The following GRIP1 variants were observed in gnomAD, a reference collection of about 807,000 sequenced individuals.
GRIP1 encodes the protein glutamate receptor-interacting protein 1.
In GRIP1, 45 loss-of-function variants were observed where a neutral mutation model predicts 129.9. The ratio of observed to expected loss-of-function variants is 0.35; its 90% CI spans 0.27 to 0.44. GRIP1 has a LOEUF of 0.44. Ranked by LOEUF, GRIP1 falls within the 20% of genes least tolerant of loss-of-function variation. The pLI is 1.00. For missense variants in GRIP1, 1,196 were observed against 1,396.8 expected (o/e 0.86, Z 2.29); for synonymous variants, 530 against 520.8 (o/e 1.02, Z -0.24).
intron 1 of GRIP1, among the ~76,000 whole-genome samples, chr12:66,939,456 C>T (rs1436884591): frequency 6.6e-6 from 1 of 152,108 alleles, no homozygotes. Context: ...CTCAAAGTAG[C>T]AGGAGAGGTA....
At chr12:66,851,278 T>C (rs1416663685) in intron 1 of GRIP1, among the ~76,000 whole-genome samples, 1 of 151,810 alleles carries the variant, frequency 6.6e-6, no homozygotes, top group Non-Finnish European at 1.5e-5. Context: ...ACAGGACATC[T>C]GGAAAGTGGA....
intron 1 of GRIP1, among the ~76,000 whole-genome samples, chr12:66,791,799 C>G (rs1224746519): frequency 1.3e-5 from 2 of 151,934 alleles, no homozygotes; most frequent in African/African-American, 2.4e-5. Context: ...TACATTGTAC[C>G]CAATATGTAG....
At chr12:66,504,853 T>C (rs574294339) in intron 7 of GRIP1, among the ~76,000 whole-genome samples, 40 of 152,316 alleles carry the variant, frequency 2.6e-4, no homozygotes, top group African/African-American at 8.7e-4. Context: ...AAAATATTAT[T>C]GAGAGTATCC....
chr12:66,939,238 C>A (rs1288793197), intron 1 of GRIP1, among the ~76,000 whole-genome samples: 2 of 152,076 alleles, frequency 1.3e-5, no homozygotes, highest in African/African-American at 4.8e-5. Flanking sequence ...GTAATCCTGG[C>A]ACTTTGGGGA....
upstream of GRIP1, among the ~76,000 whole-genome samples, chr12:66,683,718 G>C (rs2136289628): frequency 6.6e-6 from 1 of 152,288 alleles, no homozygotes; most frequent in Middle Eastern, 3.4e-3. Context: ...AGGAAAGAAG[G>C]TTGCCTCCAC....
intron 14 of GRIP1, among the ~76,000 whole-genome samples, chr12:66,426,431 CT>C (rs1373642070): frequency 2.6e-5 from 4 of 152,166 alleles, no homozygotes; most frequent in South Asian, 2.1e-4. Context: ...TCAAGGCCCA[CT>C]TTTTTCCCCC....
intron 1 of GRIP1, among the ~76,000 whole-genome samples, chr12:66,967,236 GA>G (rs1237595559): frequency 6.6e-6 from 1 of 151,994 alleles, no homozygotes; most frequent in Non-Finnish European, 1.5e-5. Flanking sequence ...GTGATGTTTT[GA>G]TACATGTATA....
intron 2 of GRIP1, among the ~76,000 whole-genome samples, chr12:66,554,338 G>A (rs995045910): frequency 4.6e-5 from 7 of 152,144 alleles, no homozygotes; most frequent in Non-Finnish European, 7.3e-5. Flanking sequence ...ATTCTGGCAG[G>A]TTTCATCAGC....
At chr12:66,601,524 G>A (rs1235242406) in intron 1 of GRIP1, among the ~76,000 whole-genome samples, 2 of 152,144 alleles carry the variant, frequency 1.3e-5, no homozygotes, top group African/African-American at 4.8e-5. Flanking sequence ...CTCTAGCTGT[G>A]TTCAAAGCTT....
intron 1 of GRIP1, among the ~76,000 whole-genome samples, chr12:66,874,631 G>A (rs1341044214): frequency 6.6e-6 from 1 of 152,022 alleles, no homozygotes; most frequent in Admixed American, 6.6e-5. Flanking sequence ...CACATGGCCG[G>A]AGCAGAAGGA....
chr12:66,678,871 T>G lies in GRIP1; in HGVS notation c.34A>C (p.Ile12Leu). 6.2e-7 allele frequency: 1 copy of G among 1,613,472 alleles called. No individual in the cohort carries two copies. Among genetic ancestry groups the G allele is most frequent in the Non-Finnish European group, 8.5e-7 (1 of 1,179,594 alleles). The change falls in exon 1 of 25, where the codon ATT (isoleucine) becomes CTT (leucine). Residue 12 changes from isoleucine (I) to leucine (L), a missense_variant. Ile to Leu is a conservative substitution (Grantham distance 5). Around this residue, in one of 5 missense-constraint regions of GRIP1, gnomAD observed 217 missense variants for 224.8 expected, o/e 0.97. Transcript: ENST00000359742. Reference protein sequence around the residue: ...IAVSFKCRCQILRRLTKDESP... With the variant: ...IAVSFKCRCQLLRRLTKDESP... ...ATACCTTTAGTAAGTCGCCTCAGAATTTGACAACGGCATTTAAAAGAGACA... is the reference window on the plus strand; with the variant it reads ...ATACCTTTAGTAAGTCGCCTCAGAAGTTGACAACGGCATTTAAAAGAGACA...
At chr12:66,672,851 T>A (rs2034145405) in intron 1 of GRIP1, among the ~76,000 whole-genome samples, 1 of 152,098 alleles carries the variant, frequency 6.6e-6, no homozygotes, top group Admixed American at 6.6e-5. Flanking sequence ...TATAAAACAG[T>A]TTTCACAAGT....
intron 1 of GRIP1, among the ~76,000 whole-genome samples, chr12:66,910,494 G>T (rs2041011132): frequency 6.6e-6 from 1 of 152,020 alleles, no homozygotes; most frequent in Non-Finnish European, 1.5e-5. Flanking sequence ...GGCTGCAGCA[G>T]AAATCTTTAA....
chr12:66,871,008 C>T (rs1464246696), intron 1 of GRIP1, among the ~76,000 whole-genome samples: 2 of 152,010 alleles, frequency 1.3e-5, no homozygotes, highest in East Asian at 3.9e-4. Flanking sequence ...GTGACCTTGA[C>T]CATAGTATAT....
intron 15 of GRIP1, among the ~76,000 whole-genome samples, chr12:66,416,998 T>C (rs1261310467): frequency 6.6e-6 from 1 of 151,364 alleles, no homozygotes; most frequent in African/African-American, 2.4e-5. Context: ...AAGAAAACTA[T>C]GGGCCAAAAA....
At chr12:66,887,308 T>C (rs1243832481) in intron 1 of GRIP1, among the ~76,000 whole-genome samples, 2 of 152,262 alleles carry the variant, frequency 1.3e-5, no homozygotes, top group Non-Finnish European at 2.9e-5. Context: ...CAAATCATAA[T>C]GCCTAATTAT....
chr12:66,604,057 C>T (rs766301512), intron 1 of GRIP1, among the ~76,000 whole-genome samples: 3 of 152,130 alleles, frequency 2.0e-5, no homozygotes, highest in Non-Finnish European at 2.9e-5. Flanking sequence ...TCCTTAAATT[C>T]TTCCTCCTCA....
chr12:67,020,857 T>C (rs957570986), intron 1 of GRIP1, among the ~76,000 whole-genome samples: 1 of 152,134 alleles, frequency 6.6e-6, no homozygotes, highest in Non-Finnish European at 1.5e-5. Flanking sequence ...CCCAGTACTT[T>C]GGGAAACCAA....
chr12:66,477,074 G>C (rs1308100062), intron 7 of GRIP1, among the ~76,000 whole-genome samples: 13 of 152,170 alleles, frequency 8.5e-5, no homozygotes, highest in Non-Finnish European at 1.8e-4. Flanking sequence ...ATTAGGAAAA[G>C]AGGAAGTCAA....
Sources: gnomAD v4.1 joint callset for allele counts (sites outside exome capture counted in the v4.1 genomes callset) on GRCh38, gnomAD v4.1.1 for gene constraint, gnomAD v4.1.1 regional missense constraint, MANE v1.5 for transcripts, NCBI Gene and HGNC (gene_info 2026-07-23, HGNC 2026-07-21) for gene names.